Variants in TCF4 observed in about 807,000 individuals in gnomAD.
The protein encoded by TCF4 is SL3-3 enhancer factor 2.
TCF4 carries 3 observed loss-of-function variants against 82.1 expected under a neutral mutation model. That is an observed-to-expected ratio of 0.04 (90% CI 0.02 to 0.09). The LOEUF (loss-of-function observed/expected upper bound fraction) is 0.09, where lower values mean the gene tolerates loss of function less well. Among genes scored for constraint, TCF4 ranks in the 10% least tolerant of loss-of-function variants. TCF4 has a pLI of 1.00. For missense variants in TCF4, 518 were observed against 852.7 expected (o/e 0.61, Z 4.89); for synonymous variants, 276 against 309.6 (o/e 0.89, Z 1.14).
Position 55,368,251 on chromosome 18 carries a change from C to T in TCF4, c.370-17248G>A, listed in dbSNP as rs1569220918. ...AAATACAAAAATTAGCATGGTGGCA[C>T]GTGCCTGTAATCCCAGCTACTTGGG... is the stretch of plus-strand genomic sequence containing the variant. On this transcript the variant is annotated intron_variant, in intron 6 of 19. Coordinates refer to ENST00000354452, the MANE Select transcript of TCF4 (RefSeq NM_001083962.2). 2.6e-5 allele frequency among the ~76,000 whole-genome samples: 4 copies of T among 152,034 alleles called. No individual in the cohort carries two copies. The South Asian group carries it at 6.2e-4, about 24-fold the overall frequency.
intron 8 of TCF4, among the ~76,000 whole-genome samples, chr18:55,320,535 G>A (rs952961518): frequency 1.3e-5 from 2 of 152,156 alleles, no homozygotes; most frequent in African/African-American, 2.4e-5. Context: ...AGAAATAACC[G>A]TTATGCATGC....
chr18:55,571,776 T>C (rs1442570744), intron 3 of TCF4, among the ~76,000 whole-genome samples: 2 of 149,926 alleles, frequency 1.3e-5, no homozygotes, highest in African/African-American at 4.9e-5. Flanking sequence ...TGTTTTTAAT[T>C]ATGAAATAAT....
rs1414459357 is a variant in TCF4 at position 55,393,236 on chromosome 18, T to C, written c.369+10218A>G. ...AAAGTTAACCAGCCATGGTGGTATA[T>C]GCCTGCAGTCCTAGCTACTCAGGAG... On this transcript the variant is annotated intron_variant, in intron 6 of 19. Coordinates refer to ENST00000354452, the MANE Select transcript of TCF4 (RefSeq NM_001083962.2). Among the ~76,000 whole-genome samples the C allele has an allele frequency of 4.6e-5, 7 of 152,170 alleles. No individual in the cohort carries two copies. The East Asian group carries it at 1.3e-3, about 29-fold the overall frequency.
chr18:55,516,755 A>G (rs2096886289), intron 3 of TCF4, among the ~76,000 whole-genome samples: 2 of 152,166 alleles, frequency 1.3e-5, no homozygotes. Context: ...GGGAGCTTGC[A>G]TGGTGCATTT....
intron 2 of TCF4, among the ~76,000 whole-genome samples, chr18:55,623,677 T>C (rs1477502679): frequency 6.6e-6 from 1 of 152,192 alleles, no homozygotes; most frequent in Non-Finnish European, 1.5e-5. Flanking sequence ...TCCATCATTT[T>C]CTTTAACACG....
intron 3 of TCF4, among the ~76,000 whole-genome samples, chr18:55,484,700 T>C (rs1276403935): frequency 6.6e-6 from 1 of 152,212 alleles, no homozygotes; most frequent in Non-Finnish European, 1.5e-5. Context: ...ACCCCATGTG[T>C]TGTGGTAGAG....
At chr18:55,603,856 C>A (rs1471685342) in intron 2 of TCF4, among the ~76,000 whole-genome samples, 2 of 152,146 alleles carry the variant, frequency 1.3e-5, no homozygotes, top group Non-Finnish European at 2.9e-5. Context: ...GGGAACAATT[C>A]CTCCTGAGGA....
At chr18:55,631,771 T>C (rs1603625759) in intron 1 of TCF4, among the ~76,000 whole-genome samples, 1 of 152,184 alleles carries the variant, frequency 6.6e-6, no homozygotes, top group African/African-American at 2.4e-5. Flanking sequence ...GCAGCAGTTA[T>C]TTCGATTTGC....
chr18:55,406,079 C>T (rs1055598114), intron 5 of TCF4, among the ~76,000 whole-genome samples: 4 of 147,718 alleles, frequency 2.7e-5, no homozygotes, highest in African/African-American at 1.0e-4. Context: ...TCGAAGTCTG[C>T]GAGGTACCAA....
chr18:55,634,522 G>GA (rs1429148965), intron 1 of TCF4, among the ~76,000 whole-genome samples: 1 of 151,954 alleles, frequency 6.6e-6, no homozygotes. Context: ...ATTTCAAAAA[G>GA]AAAAAACATC....
In TCF4 at chr18:55,586,061, G is replaced by GCACAAATAATTTT. The variant is rs1402788200; in HGVS notation, c.73-710_73-709insAAAATTATTTGTG. The GCACAAATAATTTT allele has an allele frequency of 2.5e-5, 36 of 1,416,062 alleles. 6 individuals carry two copies. In the East Asian group the frequency reaches 1.0e-3, roughly 41 times the overall value. The allele number at this position is 1,416,062 out of a possible 1,614,324, so 87.7% of individuals were successfully genotyped here. A position where few individuals can be genotyped will look rare whatever the true frequency, so the allele number is the denominator to read the frequency against. The stretch of plus-strand genomic sequence containing the variant: ...GGGGGCTGCAAAGCTGCCTGCCTAG[G>GCACAAATAATTTT]GCTACGTTTCCTGGCAAAACTTCCG... On this transcript the variant is annotated intron_variant, in intron 2 of 19. Coordinates refer to ENST00000354452, the MANE Select transcript of TCF4 (RefSeq NM_001083962.2).
chr18:55,462,244 A>G (rs1412784772), intron 4 of TCF4, among the ~76,000 whole-genome samples: 1 of 152,230 alleles, frequency 6.6e-6, no homozygotes, highest in Non-Finnish European at 1.5e-5. Context: ...AAAAGAGGCT[A>G]CATTTTAAAT....
intron 6 of TCF4, 47 bp from the exon 7 acceptor site, chr18:55,351,050 C>T (rs1247168339): frequency 1.9e-6 from 3 of 1,610,160 alleles, no homozygotes; most frequent in South Asian, 1.1e-5. Flanking sequence ...TAATTTTTTA[C>T]TTTCACCACC....
intron 3 of TCF4, among the ~76,000 whole-genome samples, chr18:55,485,949 G>A (rs1434674997): frequency 1.3e-5 from 2 of 152,152 alleles, no homozygotes; most frequent in African/African-American, 4.8e-5. Flanking sequence ...CCATCTTTAA[G>A]TATTAATAAT....
intron 3 of TCF4, among the ~76,000 whole-genome samples, chr18:55,524,025 T>C (rs1209629496): frequency 6.6e-6 from 1 of 152,134 alleles, no homozygotes; most frequent in Non-Finnish European, 1.5e-5. Flanking sequence ...CCGAAATCAA[T>C]CTTTCCAACA....
intron 2 of TCF4, among the ~76,000 whole-genome samples, chr18:55,603,367 G>T (rs565807459): frequency 6.6e-6 from 1 of 151,080 alleles, no homozygotes; most frequent in South Asian, 2.1e-4. Context: ...CCATAACGAT[G>T]AAGATTATTT....
At chr18:55,634,841 G>C (rs1452904479) in intron 1 of TCF4, among the ~76,000 whole-genome samples, 1 of 152,106 alleles carries the variant, frequency 6.6e-6, no homozygotes, top group East Asian at 1.9e-4. Flanking sequence ...AAGTCCAACT[G>C]AACACTGGAA....
At chr18:55,589,208 CT>C, upstream of TCF4, 1 of 985,230 alleles carries the variant, frequency 1.0e-6, no homozygotes, top group Non-Finnish European at 1.2e-6. Context: ...TAGGTTGTCC[CT>C]TTTGTTTTAA....
chr18:55,547,307 A>G (rs561174983), intron 3 of TCF4, among the ~76,000 whole-genome samples: 1 of 152,352 alleles, frequency 6.6e-6, no homozygotes, highest in East Asian at 1.9e-4. Context: ...GACTGGATGC[A>G]TTTTGAAATC....
Sources: allele counts gnomAD v4.1 joint callset (sites outside exome capture counted in the v4.1 genomes callset), GRCh38; gene constraint gnomAD v4.1.1; transcripts MANE v1.5; gene names NCBI Gene and HGNC (gene_info 2026-07-23, HGNC 2026-07-21).